Variants in WDR72 observed in about 807,000 individuals in gnomAD.
WDR72 encodes WD repeat-containing protein 72.
WDR72 carries 120 observed loss-of-function variants against 124.2 expected under a neutral mutation model. That is an observed-to-expected ratio of 0.97 (90% CI 0.83 to 1.12). WDR72 has a LOEUF of 1.12. Among genes scored for constraint, WDR72 ranks in the 50% most tolerant of loss-of-function variants. The pLI, the probability that WDR72 is intolerant of heterozygous loss-of-function variation, is 0.00. For synonymous variants in WDR72, 452 were observed against 441.7 expected (o/e 1.02, Z -0.29); for missense variants, 1,387 against 1,278.8 (o/e 1.08, Z -1.29).
intron 18 of WDR72, among the ~76,000 whole-genome samples, chr15:53,527,031 G>C (rs1044350589): frequency 2.6e-5 from 4 of 152,006 alleles, no homozygotes; most frequent in African/African-American, 9.7e-5. Flanking sequence ...TATGAACTTC[G>C]TATGGATGTG....
In WDR72 at chr15:53,517,765, A is replaced by G; in HGVS notation, c.3254-11T>C. The G allele has an allele frequency of 6.2e-7, 1 of 1,612,762 alleles. No individual in the cohort carries two copies. The highest frequency in any genetic ancestry group is 8.5e-7 in the Non-Finnish European group (1 of 1,179,042). On this transcript the variant is annotated splice_polypyrimidine_tract_variant and intron_variant, in intron 19 of 19. Transcript: ENST00000360509. Reference sequence around the variant, plus strand: ...GATGCCTTGGCTCACCTAGGAAAAAAGCAGATATCTTGGGTTATATGGTGA... The same window carrying G: ...GATGCCTTGGCTCACCTAGGAAAAAGGCAGATATCTTGGGTTATATGGTGA...
chr15:53,557,027 A>G (rs1273666952), intron 18 of WDR72, among the ~76,000 whole-genome samples: 1 of 152,118 alleles, frequency 6.6e-6, no homozygotes, highest in Non-Finnish European at 1.5e-5. Flanking sequence ...ACAATAATTT[A>G]CTGAAAGAAA....
chr15:53,528,297 G>C (rs1397043922), intron 18 of WDR72, among the ~76,000 whole-genome samples: 2 of 152,022 alleles, frequency 1.3e-5, no homozygotes. Flanking sequence ...GATTATATTT[G>C]AATAGCAATA....
At chr15:53,713,697 A>G (rs1366784249) in intron 6 of WDR72, among the ~76,000 whole-genome samples, 6 of 151,860 alleles carry the variant, frequency 4.0e-5, no homozygotes, top group African/African-American at 1.5e-4. Flanking sequence ...ACCTCTGGTG[A>G]TCCGCTCGCC....
At chr15:53,624,462 T>C (rs1267702949) in intron 14 of WDR72, among the ~76,000 whole-genome samples, 2 of 152,162 alleles carry the variant, frequency 1.3e-5, no homozygotes, top group Non-Finnish European at 2.9e-5. Flanking sequence ...CTAGATCTCC[T>C]CAACTTCTGG....
intron 13 of WDR72, among the ~76,000 whole-genome samples, chr15:53,672,699 AT>A (rs1489293762): frequency 6.6e-6 from 1 of 152,208 alleles, no homozygotes; most frequent in Admixed American, 6.5e-5. Context: ...AGATCTAAAC[AT>A]CTACCTAAAG....
intron 13 of WDR72, among the ~76,000 whole-genome samples, chr15:53,681,782 T>A (rs1162473685): frequency 1.3e-5 from 2 of 152,014 alleles, no homozygotes; most frequent in East Asian, 3.9e-4. Context: ...TAATATATAT[T>A]AAGATGCCAG....
At chr15:53,741,093 G>C (rs531086027) in intron 1 of WDR72, among the ~76,000 whole-genome samples, 1 of 152,300 alleles carries the variant, frequency 6.6e-6, no homozygotes, top group South Asian at 2.1e-4. Flanking sequence ...TCTGAGGGCA[G>C]AGACTTCTGT....
intron 18 of WDR72, chr15:53,541,217 T>G (rs1337728271): frequency 6.5e-6 from 1 of 153,106 alleles, no homozygotes; most frequent in African/African-American, 2.4e-5. Flanking sequence ...AAGACAGCAG[T>G]AACCTCTGCA....
At chr15:53,727,030 C>T (rs955153789) in intron 2 of WDR72, among the ~76,000 whole-genome samples, 3 of 151,562 alleles carry the variant, frequency 2.0e-5, no homozygotes, top group East Asian at 2.0e-4. Context: ...AACATCGCCC[C>T]GGCACGGTCG....
At chr15:53,759,152 T>C (rs977356137) in intron 1 of WDR72, 2 of 151,172 alleles carry the variant, frequency 1.3e-5, no homozygotes, top group Non-Finnish European at 2.9e-5. Context: ...TTCCCTGCCC[T>C]TGAACTCAGC....
chr15:53,617,626 G>A (rs1243539760), intron 14 of WDR72, among the ~76,000 whole-genome samples: 1 of 151,428 alleles, frequency 6.6e-6, no homozygotes, highest in Admixed American at 6.6e-5. Flanking sequence ...TCTTACAGAT[G>A]GATGAATGGG....
At chr15:53,599,445 C>G (rs544444535) in intron 17 of WDR72, among the ~76,000 whole-genome samples, 46 of 152,230 alleles carry the variant, frequency 3.0e-4, no homozygotes, top group African/African-American at 9.6e-4. Flanking sequence ...TGACAAGCCA[C>G]AAACTTCTCT....
At chr15:53,600,119 G>A (rs2012977797) in intron 17 of WDR72, among the ~76,000 whole-genome samples, 2 of 152,096 alleles carry the variant, frequency 1.3e-5, no homozygotes, top group African/African-American at 4.8e-5. Context: ...TGTTATTATA[G>A]TATCTGGAAT....
At chr15:53,760,374 C>T (rs187129253), upstream of WDR72, among the ~76,000 whole-genome samples, 2 of 146,254 alleles carry the variant, frequency 1.4e-5, no homozygotes, top group Admixed American at 1.4e-4. Flanking sequence ...TACTCTCTAT[C>T]TTCATAAGTT....
chr15:53,702,093 A>G, intron 12 of WDR72, 41 bp downstream of exon 12: 3 of 1,457,588 alleles, frequency 2.1e-6, no homozygotes, highest in Non-Finnish European at 2.8e-6. Flanking sequence ...TAATTTATAT[A>G]ATTTTCAAAT....
intron 18 of WDR72, among the ~76,000 whole-genome samples, chr15:53,529,643 A>G (rs1892340260): frequency 6.6e-6 from 1 of 151,960 alleles, no homozygotes; most frequent in Non-Finnish European, 1.5e-5. Flanking sequence ...ATGATTGCTG[A>G]ACGAATAGAC....
At chr15:53,710,035 A>G (rs933671019) in intron 9 of WDR72, among the ~76,000 whole-genome samples, 1 of 152,224 alleles carries the variant, frequency 6.6e-6, no homozygotes, top group African/African-American at 2.4e-5. Context: ...CACTACTGAA[A>G]GAAAACAACT....
chr15:53,759,197 A>C (rs1007042189), intron 1 of WDR72: 17 of 152,072 alleles, frequency 1.1e-4, no homozygotes, highest in South Asian at 8.3e-4. Context: ...TAAAGTTTTA[A>C]AAATAAATAA....
Sources: allele counts gnomAD v4.1 joint callset (sites outside exome capture counted in the v4.1 genomes callset), GRCh38; gene constraint gnomAD v4.1.1; transcripts MANE v1.5; gene names NCBI Gene and HGNC (gene_info 2026-07-23, HGNC 2026-07-21).